The following ADAMTSL1 variants were observed in gnomAD, a reference collection of about 807,000 sequenced individuals.
ADAMTSL1 encodes the protein ADAMTS like 1, also known as ADAMTS-like protein 1.
In ADAMTSL1, 126 loss-of-function variants were observed where a neutral mutation model predicts 201.8. That is an observed-to-expected ratio of 0.62 (90% CI 0.54 to 0.72). The LOEUF (loss-of-function observed/expected upper bound fraction) is 0.72, where lower values mean the gene tolerates loss of function less well. ADAMTSL1 is among the 30% of genes least tolerant of loss of function. ADAMTSL1 has a pLI of 0.00. For synonymous variants in ADAMTSL1, 1,121 were observed against 903.4 expected (o/e 1.24, Z -4.32); for missense variants, 2,679 against 2,277.8 (o/e 1.18, Z -3.59).
chr9:18,634,741 G>A (rs1314076763), intron 5 of ADAMTSL1, among the ~76,000 whole-genome samples: 1 of 151,018 alleles, frequency 6.6e-6, no homozygotes, highest in Non-Finnish European at 1.5e-5. Context: ...GGGAGGCTGA[G>A]GCAGAAGAAT....
chr9:18,486,994 G>A (rs768049957), intron 1 of ADAMTSL1, among the ~76,000 whole-genome samples: 7 of 152,110 alleles, frequency 4.6e-5, no homozygotes, highest in African/African-American at 1.2e-4. Context: ...GGCATCACAC[G>A]TGAAGTTCCC....
At chr9:18,471,422 G>A (rs1222077052), upstream of ADAMTSL1, among the ~76,000 whole-genome samples, 2 of 152,118 alleles carry the variant, frequency 1.3e-5, no homozygotes, top group African/African-American at 4.8e-5. Flanking sequence ...ATAAAATGGG[G>A]TGATTACTTA....
intron 2 of ADAMTSL1, among the ~76,000 whole-genome samples, chr9:18,253,074 G>A (rs1157494372): frequency 2.0e-5 from 3 of 152,196 alleles, no homozygotes; most frequent in East Asian, 1.9e-4. Context: ...TTACATTTAT[G>A]TCTGTCCATT....
At chr9:18,810,858 A>C (rs1377036686) in intron 20 of ADAMTSL1, among the ~76,000 whole-genome samples, 2 of 152,212 alleles carry the variant, frequency 1.3e-5, no homozygotes, top group East Asian at 3.9e-4. Context: ...TTATATATAA[A>C]ACACACATAA....
intron 4 of ADAMTSL1, chr9:18,574,635 T>G (rs988649341): frequency 3.4e-5 from 11 of 321,246 alleles, no homozygotes; most frequent in Non-Finnish European, 5.1e-5. Context: ...AGACTGGATT[T>G]TCATTGACTC....
intron 1 of ADAMTSL1, among the ~76,000 whole-genome samples, chr9:18,132,301 G>A (rs772945128): frequency 6.6e-6 from 1 of 152,104 alleles, no homozygotes; most frequent in Non-Finnish European, 1.5e-5. Flanking sequence ...AATGCATCGT[G>A]TGTATATTTT....
intron 2 of ADAMTSL1, among the ~76,000 whole-genome samples, chr9:18,317,920 A>G (rs10963573): frequency 0.48 from 72,956 of 152,072 alleles, 17,870 homozygotes; most frequent in Admixed American, 0.6. Context: ...AGAAGTAAGC[A>G]GAACTGTTTT....
chr9:18,648,371 C>A (rs1410604240), intron 7 of ADAMTSL1, among the ~76,000 whole-genome samples: 1 of 151,582 alleles, frequency 6.6e-6, no homozygotes, highest in African/African-American at 2.4e-5. Flanking sequence ...TTAATTGGCG[C>A]ATTTAGTCCA....
intron 1 of ADAMTSL1, among the ~76,000 whole-genome samples, chr9:18,110,629 A>G (rs1824965052): frequency 6.6e-6 from 1 of 152,156 alleles, no homozygotes; most frequent in African/African-American, 2.4e-5. Flanking sequence ...GAATTGGAGC[A>G]GCTGCTCTTC....
At chr9:18,135,500 C>A (rs1372152650) in intron 1 of ADAMTSL1, among the ~76,000 whole-genome samples, 2 of 152,030 alleles carry the variant, frequency 1.3e-5, no homozygotes, top group African/African-American at 4.8e-5. Context: ...TTTAACACAT[C>A]AGAAATGTAG....
At chr9:18,825,671 C>A (rs1386666781) in intron 21 of ADAMTSL1, among the ~76,000 whole-genome samples, 1 of 152,106 alleles carries the variant, frequency 6.6e-6, no homozygotes, top group Non-Finnish European at 1.5e-5. Context: ...GGTCAAGACA[C>A]AGAGCATCGC....
At chr9:18,458,258 G>A (rs1380996589) in intron 2 of ADAMTSL1, among the ~76,000 whole-genome samples, 2 of 152,098 alleles carry the variant, frequency 1.3e-5, no homozygotes, top group South Asian at 2.1e-4. Context: ...ATGACCTAGT[G>A]TGTATATACC....
chr9:17,908,868 T>C (rs2063620566), intron 1 of ADAMTSL1, among the ~76,000 whole-genome samples: 1 of 152,290 alleles, frequency 6.6e-6, no homozygotes, highest in Admixed American at 6.5e-5. Context: ...ATGGTATTTC[T>C]AGTTCTAGGT....
At chr9:18,221,484 A>C (rs890580575) in intron 2 of ADAMTSL1, among the ~76,000 whole-genome samples, 1 of 151,594 alleles carries the variant, frequency 6.6e-6, no homozygotes, top group Non-Finnish European at 1.5e-5. Flanking sequence ...CCTTCTTTTT[A>C]TCTCTCTATA....
chr9:18,029,690 C>T (rs1305099365), intron 1 of ADAMTSL1, among the ~76,000 whole-genome samples: 1 of 151,870 alleles, frequency 6.6e-6, no homozygotes, highest in Admixed American at 6.6e-5. Context: ...TGAACTCAAA[C>T]AAATTTACAA....
intron 4 of ADAMTSL1, among the ~76,000 whole-genome samples, chr9:18,585,686 A>G (rs1232660745): frequency 1.3e-5 from 2 of 152,220 alleles, no homozygotes; most frequent in Non-Finnish European, 2.9e-5. Context: ...CTTGATGAAT[A>G]TTGATGCAAA....
upstream of ADAMTSL1, among the ~76,000 whole-genome samples, chr9:18,469,117 A>G (rs1249777411): frequency 6.6e-6 from 1 of 152,114 alleles, no homozygotes; most frequent in Non-Finnish European, 1.5e-5. Flanking sequence ...GTTTCTTTTC[A>G]TTACCTAAAA....
intron 19 of ADAMTSL1, among the ~76,000 whole-genome samples, chr9:18,789,493 CA>C (rs1821901126): frequency 6.6e-6 from 1 of 152,168 alleles, no homozygotes; most frequent in South Asian, 2.1e-4. Flanking sequence ...TGGATATGAT[CA>C]TTTTCAGCCC....
chr9:18,732,478 C>CA (rs1211597327), intron 15 of ADAMTSL1, among the ~76,000 whole-genome samples: 6 of 152,134 alleles, frequency 3.9e-5, no homozygotes, highest in African/African-American at 7.2e-5. Flanking sequence ...GCAGGGGAGA[C>CA]AGAGTCCAAA....
Sources: gnomAD v4.1 joint callset for allele counts (sites outside exome capture counted in the v4.1 genomes callset) on GRCh38, gnomAD v4.1.1 for gene constraint, MANE v1.5 for transcripts, NCBI Gene and HGNC (gene_info 2026-07-23, HGNC 2026-07-21) for gene names.